Variants in PTPRC observed in about 807,000 individuals in gnomAD.
PTPRC encodes the protein receptor-type tyrosine-protein phosphatase C.
A neutral mutation model predicts 155.9 loss-of-function variants in PTPRC; 44 were observed. That is an observed-to-expected ratio of 0.28 (90% CI 0.22 to 0.36). PTPRC has a LOEUF of 0.36. PTPRC is among the 10% of genes least tolerant of loss of function. PTPRC has a pLI of 1.00. For synonymous variants in PTPRC, 525 were observed against 533.1 expected, an observed-to-expected ratio of 0.98 and a Z score of 0.21; for missense variants, 1,401 against 1,564.6, an observed-to-expected ratio of 0.90 and a Z score of 1.76.
At chr1:198,674,219 C>A (rs1466637565) in intron 2 of PTPRC, among the ~76,000 whole-genome samples, 1 of 152,128 alleles carries the variant, frequency 6.6e-6, no homozygotes, top group Non-Finnish European at 1.5e-5. Flanking sequence ...TGATGCTCAT[C>A]ACTTCAGTTG....
In PTPRC at chr1:198,667,753, T is replaced by A. The variant is rs77343094; in HGVS notation, c.74-24594T>A. 9.9e-3 allele frequency among the ~76,000 whole-genome samples: 1,512 copies of A among 152,354 alleles called. 28 individuals carry two copies. The highest frequency in any genetic ancestry group is 0.034 in the African/African-American group (1,400 of 41,568). ...ATACAAACTGTCAATTCATAACATGTCATGGAAACATAAAAGAAGGTATCA... is the reference window on the plus strand; with the variant it reads ...ATACAAACTGTCAATTCATAACATGACATGGAAACATAAAAGAAGGTATCA... On this transcript the variant is annotated intron_variant, in intron 2 of 32. Coordinates refer to ENST00000442510, the MANE Select transcript of PTPRC (RefSeq NM_002838.5).
At chr1:198,653,042 G>T (rs775281664) in intron 2 of PTPRC, among the ~76,000 whole-genome samples, 3 of 151,710 alleles carry the variant, frequency 2.0e-5, no homozygotes, top group Non-Finnish European at 4.4e-5. Flanking sequence ...TAAAATTTGT[G>T]CCAGTTTTGT....
chr1:198,721,071 G>A (rs2102453754), intron 14 of PTPRC, among the ~76,000 whole-genome samples: 1 of 152,274 alleles, frequency 6.6e-6, no homozygotes, highest in East Asian at 1.9e-4. Context: ...AACGTTCAAA[G>A]TAGGAGATAA....
At chr1:198,686,887 C>T (rs1352973645) in intron 2 of PTPRC, among the ~76,000 whole-genome samples, 1 of 152,172 alleles carries the variant, frequency 6.6e-6, no homozygotes, top group Admixed American at 6.6e-5. Context: ...TAGGTAACTA[C>T]ATCAGTTCAT....
intron 2 of PTPRC, among the ~76,000 whole-genome samples, chr1:198,656,009 T>A (rs1663544131): frequency 6.6e-6 from 1 of 152,114 alleles, no homozygotes; most frequent in South Asian, 2.1e-4. Flanking sequence ...CGTTGGGTAC[T>A]CTATACAATG....
chr1:198,678,434 G>T (rs1224270256), intron 2 of PTPRC, among the ~76,000 whole-genome samples: 2 of 152,160 alleles, frequency 1.3e-5, no homozygotes, highest in East Asian at 3.8e-4. Context: ...CCCCCATGAA[G>T]AGCTATCAAT....
chr1:198,755,865 C>T (rs574563049), intron 32 of PTPRC, 41 bp from the exon 33 acceptor site: 1 of 1,555,420 alleles, frequency 6.4e-7, no homozygotes, highest in Admixed American at 1.7e-5. Flanking sequence ...ATAATGACAT[C>T]AACTTTCTTC....
Position 198,639,099 on chromosome 1 carries a change from G to A in PTPRC, c.-82G>A. On this transcript the variant is annotated 5_prime_UTR_variant, in exon 1 of 33. Coordinates refer to ENST00000442510, the MANE Select transcript of PTPRC (RefSeq NM_002838.5). ...GTGGTTTGTTCTTAGGGTAACAGAG[G>A]AGGAAATTGTTCCTCGTCTGATAAG... 1.6e-6 allele frequency: 1 copy of A among 643,786 alleles called. No individual in the cohort carries two copies. The highest frequency in any genetic ancestry group is 1.7e-5 in the South Asian group (1 of 58,010). 39.9% of individuals were successfully genotyped at this position (643,786 alleles called of 1,614,324 possible).
chr1:198,641,867 C>T (rs1411339554), intron 2 of PTPRC, among the ~76,000 whole-genome samples: 1 of 152,096 alleles, frequency 6.6e-6, no homozygotes, highest in African/African-American at 2.4e-5. Flanking sequence ...ATTTTTCCAT[C>T]TGTATTAAAA....
chr1:198,704,395 T>A (rs1317470361), intron 7 of PTPRC, 77 bp from the exon 8 acceptor site: 8 of 1,603,802 alleles, frequency 5.0e-6, no homozygotes, highest in African/African-American at 4.0e-5. Context: ...GTATTGTAAA[T>A]CAGCTTTCCC....
chr1:198,662,929 A>T (rs1473688836), intron 2 of PTPRC, among the ~76,000 whole-genome samples: 1 of 152,122 alleles, frequency 6.6e-6, no homozygotes, highest in Admixed American at 6.5e-5. Context: ...TCTGCAGTTG[A>T]TGTAACTGTG....
rs1345142310 is a variant in PTPRC at position 198,712,959 on chromosome 1, G to T, written c.1178G>T (p.Gly393Val). The change falls in exon 12 of 33, where the codon GGA becomes GTA. Residue 393 changes from glycine (G) to valine (V), a missense_variant. Coordinates refer to ENST00000442510, the MANE Select transcript of PTPRC (RefSeq NM_002838.5). The stretch of plus-strand genomic sequence containing the variant: ...ATTCTTATTCTTTTAACAGGTCCAG[G>T]AGAGCCTCAGATTATTTTTTGTAGA... ...KIIKTDFGSP[G>V]EPQIIFCRSE... The T allele has an allele frequency of 6.2e-7, 1 of 1,612,220 alleles. No homozygotes were observed. The highest frequency in any genetic ancestry group is 8.5e-7 in the Non-Finnish European group (1 of 1,178,466).
chr1:198,651,294 G>T (rs942466187), intron 2 of PTPRC, among the ~76,000 whole-genome samples: 3 of 91,818 alleles, frequency 3.3e-5, no homozygotes, highest in Non-Finnish European at 9.9e-5. Context: ...GATTGGGATT[G>T]TGTGTGTGTG....
At chr1:198,710,847 T>A (rs1653260927) in intron 11 of PTPRC, among the ~76,000 whole-genome samples, 1 of 152,216 alleles carries the variant, frequency 6.6e-6, no homozygotes, top group Non-Finnish European at 1.5e-5. Context: ...TAAATGTAAT[T>A]CTAAATTTTG....
chr1:198,750,393 A>G (rs1410262069), intron 28 of PTPRC, 99 bp from the exon 29 acceptor site: 1 of 1,238,758 alleles, frequency 8.1e-7, no homozygotes, highest in South Asian at 1.2e-5. Flanking sequence ...ATGTAACAGC[A>G]TTGATATCAA....
intron 26 of PTPRC, among the ~76,000 whole-genome samples, chr1:198,747,863 TGAA>T (rs1437587069): frequency 1.6e-4 from 24 of 151,960 alleles, no homozygotes; most frequent in East Asian, 5.8e-4. Context: ...CAAGCAGCTC[TGAA>T]GAAGGAGACA....
Position 198,639,354 on chromosome 1 carries a change from A to T in PTPRC, c.73+13A>T, listed in dbSNP as rs779729917. On this transcript the variant is annotated intron_variant, in intron 2 of 32. Coordinates refer to ENST00000442510, the MANE Select transcript of PTPRC (RefSeq NM_002838.5). ...GTATTTGTGACAGGTAAGTACAAGG[A>T]TATTAATATTTTTTAAATTATTTTT... is the stretch of plus-strand genomic sequence containing the variant. 4 of 1,570,380 alleles carry T rather than the reference A, an allele frequency of 2.5e-6. No homozygotes were observed. Among genetic ancestry groups the T allele is most frequent in the Admixed American group, 1.7e-5 (1 of 59,288 alleles).
At chr1:198,715,450 T>G (rs1404914333) in intron 12 of PTPRC, among the ~76,000 whole-genome samples, 1 of 151,868 alleles carries the variant, frequency 6.6e-6, no homozygotes, top group Admixed American at 6.6e-5. Context: ...AGAACTGCAG[T>G]TTTATCTCGT....
At chr1:198,751,902 C>T (rs186123153) in intron 29 of PTPRC, among the ~76,000 whole-genome samples, 5 of 152,138 alleles carry the variant, frequency 3.3e-5, no homozygotes, top group Admixed American at 3.3e-4. Context: ...AACATTGACT[C>T]ATGCCAGCCA....
Sources: allele counts gnomAD v4.1 joint callset (sites outside exome capture counted in the v4.1 genomes callset), GRCh38; gene constraint gnomAD v4.1.1; transcripts MANE v1.5; gene names NCBI Gene and HGNC (gene_info 2026-07-23, HGNC 2026-07-21).